Variants in PLPPR5 observed in about 807,000 individuals in gnomAD.
PLPPR5 encodes phospholipid phosphatase related 5.
PLPPR5 carries 16 observed loss-of-function variants against 33.9 expected under a neutral mutation model. That is an observed-to-expected ratio of 0.47 (90% CI 0.32 to 0.72). The LOEUF (loss-of-function observed/expected upper bound fraction) is 0.72. Among genes scored for constraint, PLPPR5 ranks in the 30% least tolerant of loss-of-function variants. The pLI is 0.03. For missense variants in PLPPR5, 301 were observed against 406.7 expected (o/e 0.74, Z 2.23); for synonymous variants, 163 against 150.3 (o/e 1.08, Z -0.62).
intron 1 of PLPPR5, 60 bp from the exon 2 acceptor site, chr1:98,956,801 T>G: frequency 7.6e-7 from 1 of 1,311,018 alleles, no homozygotes; most frequent in Non-Finnish European, 1.0e-6. Flanking sequence ...ATGTAAAATA[T>G]TTTTATTTTA....
intron 4 of PLPPR5, among the ~76,000 whole-genome samples, chr1:98,917,968 T>G (rs1649418830): frequency 6.6e-6 from 1 of 152,246 alleles, no homozygotes; most frequent in African/African-American, 2.4e-5. Context: ...AATGTTACTT[T>G]GCTTTCAGAC....
intron 5 of PLPPR5, among the ~76,000 whole-genome samples, chr1:98,913,253 C>T (rs1570692036): frequency 6.6e-6 from 1 of 152,254 alleles, no homozygotes; most frequent in Non-Finnish European, 1.5e-5. Context: ...TTGAGTACAT[C>T]CCAAAAACAT....
intron 1 of PLPPR5, among the ~76,000 whole-genome samples, chr1:98,977,439 C>G (rs776775443): frequency 1.3e-5 from 2 of 150,852 alleles, no homozygotes; most frequent in Non-Finnish European, 3.0e-5. Flanking sequence ...TCTTCCTGCC[C>G]CAAAGCAATG....
chr1:98,991,394 C>A (rs1255220926), intron 1 of PLPPR5: 1 of 152,096 alleles, frequency 6.6e-6, no homozygotes, highest in African/African-American at 2.4e-5. Context: ...AAAATAGGTA[C>A]ACTTTCTACT....
At chr1:98,912,918 C>T (rs897830249) in intron 5 of PLPPR5, among the ~76,000 whole-genome samples, 2 of 152,118 alleles carry the variant, frequency 1.3e-5, no homozygotes, top group African/African-American at 4.8e-5. Flanking sequence ...TCTATCCTTA[C>T]CTGAATGCTT....
intron 3 of PLPPR5, among the ~76,000 whole-genome samples, chr1:98,922,372 A>G (rs1329817559): frequency 2.0e-5 from 3 of 152,130 alleles, no homozygotes; most frequent in Admixed American, 6.5e-5. Context: ...TTCTTACTGT[A>G]TCCATTCTTG....
At chr1:98,946,620 C>T (rs1437367463) in intron 3 of PLPPR5, among the ~76,000 whole-genome samples, 1 of 152,190 alleles carries the variant, frequency 6.6e-6, no homozygotes, top group Non-Finnish European at 1.5e-5. Context: ...CCAAGTACCA[C>T]TCACCTCTGA....
chr1:98,917,724 T>G (rs1371030493), intron 4 of PLPPR5, among the ~76,000 whole-genome samples: 2 of 152,240 alleles, frequency 1.3e-5, no homozygotes, highest in Non-Finnish European at 1.5e-5. Context: ...TTTTGTTTGT[T>G]TGCTTTTTGC....
intron 3 of PLPPR5, among the ~76,000 whole-genome samples, chr1:98,942,410 G>T (rs1650408448): frequency 6.6e-6 from 1 of 152,146 alleles, no homozygotes. Context: ...ACACAGGGAG[G>T]ATCAGAGAAG....
At chr1:98,950,011 A>G (rs1330731221) in intron 3 of PLPPR5, among the ~76,000 whole-genome samples, 1 of 152,212 alleles carries the variant, frequency 6.6e-6, no homozygotes, top group African/African-American at 2.4e-5. Context: ...TACCATCTGC[A>G]CCCTTGGCTT....
intron 1 of PLPPR5, among the ~76,000 whole-genome samples, chr1:98,961,831 G>T (rs1404216761): frequency 6.6e-6 from 1 of 151,968 alleles, no homozygotes; most frequent in African/African-American, 2.4e-5. Flanking sequence ...TTTTATTTTG[G>T]CTCTCTTTTC....
At chr1:98,914,760 A>C in intron 5 of PLPPR5, 26 bp downstream of exon 5, 1 of 1,584,944 alleles carries the variant, frequency 6.3e-7, no homozygotes. Flanking sequence ...TAGTTATTAT[A>C]ATTTAGAATT....
At chr1:98,922,172 T>A in intron 3 of PLPPR5, 114 bp from the exon 4 acceptor site, 1 of 927,996 alleles carries the variant, frequency 1.1e-6, no homozygotes, top group East Asian at 2.9e-5. Flanking sequence ...CCTGTATGAT[T>A]CAAATCATTA....
In PLPPR5 at chr1:98,996,144, A is replaced by G. The variant is rs537584413; in HGVS notation, c.237+8291T>C. Among the ~76,000 whole-genome samples, 3 of 152,222 alleles carry G rather than the reference A, an allele frequency of 2.0e-5. No individual in the cohort carries two copies. In the East Asian group the frequency reaches 5.8e-4, roughly 29 times the overall value. On this transcript the variant is annotated intron_variant, in intron 1 of 5. Coordinates refer to ENST00000263177, the MANE Select transcript of PLPPR5 (RefSeq NM_001037317.2). ...GGCATTGGTGCTAGCTTGGAAGAAT[A>G]TATCAGAATATTCCAGGAAGTTGTT... is the stretch of plus-strand genomic sequence containing the variant.
chr1:98,933,858 G>A (rs985858750), intron 3 of PLPPR5, among the ~76,000 whole-genome samples: 2 of 152,184 alleles, frequency 1.3e-5, no homozygotes, highest in Non-Finnish European at 2.9e-5. Context: ...TGGGCAACGT[G>A]AGCAGATGTA....
chr1:98,951,336 C>T (rs1011226802), intron 3 of PLPPR5, among the ~76,000 whole-genome samples: 21 of 151,940 alleles, frequency 1.4e-4, no homozygotes, highest in Non-Finnish European at 2.6e-4. Flanking sequence ...CCCAAAGGTA[C>T]CTTAGAATGT....
Position 98,910,730 on chromosome 1 carries a change from C to T in PLPPR5, c.933+4056G>A, listed in dbSNP as rs867675747. On this transcript the variant is annotated intron_variant, in intron 5 of 5. Transcript: ENST00000263177. Reference sequence around the variant, plus strand: ...CCATCCCACAGCAGGTGCACTAACACGCGCACATCACACTCACCCACACTG... The same window carrying T: ...CCATCCCACAGCAGGTGCACTAACATGCGCACATCACACTCACCCACACTG... Among the ~76,000 whole-genome samples the T allele has an allele frequency of 3.3e-5, 5 of 152,052 alleles. No individual in the cohort carries two copies. The South Asian group carries it at 8.3e-4, about 25-fold the overall frequency.
chr1:98,894,830 T>TA (rs1648410479), intron 5 of PLPPR5, among the ~76,000 whole-genome samples: 1 of 152,016 alleles, frequency 6.6e-6, no homozygotes, highest in Non-Finnish European at 1.5e-5. Context: ...AGGACTTTAA[T>TA]AAACAGAGAA....
chr1:98,957,984 G>C (rs1651076657), intron 1 of PLPPR5, among the ~76,000 whole-genome samples: 1 of 152,188 alleles, frequency 6.6e-6, no homozygotes, highest in African/African-American at 2.4e-5. Context: ...TTTTACAAAT[G>C]AGGAAATGGA....
Sources: allele counts gnomAD v4.1 joint callset (sites outside exome capture counted in the v4.1 genomes callset), GRCh38; gene constraint gnomAD v4.1.1; transcripts MANE v1.5; gene names NCBI Gene and HGNC (gene_info 2026-07-23, HGNC 2026-07-21).